Variants in COPS4 observed in about 807,000 individuals in gnomAD.
The protein encoded by COPS4 is COP9 signalosome complex subunit 4.
In COPS4, 8 loss-of-function variants were observed where a neutral mutation model predicts 55.1. That is an observed-to-expected ratio of 0.15 (90% CI 0.09 to 0.26). COPS4 has a LOEUF of 0.26. Ranked by LOEUF, COPS4 falls within the 10% of genes least tolerant of loss-of-function variation. The pLI, the probability that COPS4 is intolerant of heterozygous loss-of-function variation, is 1.00. For synonymous variants in COPS4, 185 were observed against 165.7 expected, an observed-to-expected ratio of 1.12 and a Z score of -0.90; for missense variants, 248 against 484.0, an observed-to-expected ratio of 0.51 and a Z score of 4.58.
intron 1 of COPS4, among the ~76,000 whole-genome samples, chr4:83,040,341 T>C (rs1239141230): frequency 6.6e-6 from 1 of 152,242 alleles, no homozygotes; most frequent in Non-Finnish European, 1.5e-5. Context: ...TGCGATTGTC[T>C]GTTGCTTTTG....
intron 6 of COPS4, among the ~76,000 whole-genome samples, chr4:83,057,880 C>A (rs1731054426): frequency 6.8e-6 from 1 of 147,708 alleles, no homozygotes; most frequent in Non-Finnish European, 1.5e-5. Flanking sequence ...CGAGATCAGG[C>A]CACTGCACTC....
chr4:83,045,804 A>G, intron 2 of COPS4, 99 bp downstream of exon 2: 1 of 657,854 alleles, frequency 1.5e-6, no homozygotes, highest in African/African-American at 1.8e-5. Context: ...AATATTAAAT[A>G]TGCATTGAGA....
chr4:83,073,874 T>C (rs1401862678), intron 9 of COPS4, among the ~76,000 whole-genome samples: 3 of 152,082 alleles, frequency 2.0e-5, no homozygotes, highest in African/African-American at 7.2e-5. Context: ...GGAGAATCCC[T>C]TGAACCTGGG....
intron 4 of COPS4, among the ~76,000 whole-genome samples, chr4:83,056,564 C>T (rs1004171412): frequency 6.6e-6 from 1 of 152,028 alleles, no homozygotes; most frequent in African/African-American, 2.4e-5. Flanking sequence ...TTTGGGAGGC[C>T]GAGGCGGGTG....
chr4:83,066,950 C>G (rs1731305844), intron 8 of COPS4, among the ~76,000 whole-genome samples: 2 of 152,138 alleles, frequency 1.3e-5, no homozygotes, highest in South Asian at 4.1e-4. Context: ...ATTCTCTTAA[C>G]TTTAAATAAA....
intron 2 of COPS4, among the ~76,000 whole-genome samples, chr4:83,047,487 G>A (rs547935744): frequency 7.9e-5 from 12 of 152,084 alleles, no homozygotes; most frequent in East Asian, 5.8e-4. Context: ...CCCGGTGGTC[G>A]AGACTGAAGT....
chr4:83,061,197 T>A (rs1731158034), intron 6 of COPS4, among the ~76,000 whole-genome samples: 1 of 152,142 alleles, frequency 6.6e-6, no homozygotes, highest in Non-Finnish European at 1.5e-5. Context: ...TTTCTGCATA[T>A]TTTCTGTTGG....
intron 8 of COPS4, among the ~76,000 whole-genome samples, chr4:83,068,144 C>G (rs1381957687): frequency 1.3e-5 from 2 of 151,798 alleles, no homozygotes; most frequent in Non-Finnish European, 2.9e-5. Context: ...AGGTATGGAT[C>G]CTAGTAAGAA....
intron 1 of COPS4, among the ~76,000 whole-genome samples, chr4:83,043,307 A>C (rs184296282): frequency 1.1e-4 from 16 of 152,098 alleles, no homozygotes; most frequent in Admixed American, 8.5e-4. Context: ...GCTTGAGTCC[A>C]GAAGTTGGAG....
intron 1 of COPS4, among the ~76,000 whole-genome samples, chr4:83,044,495 A>G (rs945191463): frequency 7.7e-6 from 1 of 129,502 alleles, no homozygotes; most frequent in Non-Finnish European, 1.7e-5. Flanking sequence ...AGATTAGTAT[A>G]GGCCGGGCAC....
At chr4:83,070,012 C>T (rs1731380233) in intron 9 of COPS4, among the ~76,000 whole-genome samples, 1 of 152,098 alleles carries the variant, frequency 6.6e-6, no homozygotes. Context: ...AATGAAAATC[C>T]TTTTATCTTC....
At chr4:83,072,074 G>C (rs1731445624) in intron 9 of COPS4, among the ~76,000 whole-genome samples, 1 of 151,600 alleles carries the variant, frequency 6.6e-6, no homozygotes, top group Non-Finnish European at 1.5e-5. Flanking sequence ...CATTCTGTCA[G>C]GTTTTCTTTT....
At chr4:83,035,802 C>T (rs907769844) in intron 1 of COPS4, 3 of 161,692 alleles carry the variant, frequency 1.9e-5, no homozygotes, top group African/African-American at 7.2e-5. Flanking sequence ...GTCGTCCAGA[C>T]CATTCAGACT....
chr4:83,059,522 A>C (rs1731104311), intron 6 of COPS4, among the ~76,000 whole-genome samples: 1 of 152,204 alleles, frequency 6.6e-6, no homozygotes, highest in Non-Finnish European at 1.5e-5. Flanking sequence ...AATTTATTTT[A>C]AAGTAGCAAT....
chr4:83,075,445 T>C lies in COPS4; in HGVS notation c.*15T>C. On this transcript the variant is annotated 3_prime_UTR_variant, in exon 10 of 10. Coordinates refer to ENST00000264389, the MANE Select transcript of COPS4 (RefSeq NM_016129.3). ...TGGCTCAGTGAATCCTTGCAGAACTTCTGTGCACATGACATCTTTTTCCAT... is the reference window on the plus strand; with the variant it reads ...TGGCTCAGTGAATCCTTGCAGAACTCCTGTGCACATGACATCTTTTTCCAT... 3.1e-6 allele frequency: 5 copies of C among 1,613,768 alleles called. No homozygotes were observed. The highest frequency in any genetic ancestry group is 4.2e-6 in the Non-Finnish European group (5 of 1,179,860).
intron 6 of COPS4, among the ~76,000 whole-genome samples, chr4:83,058,025 A>G (rs930262128): frequency 6.6e-6 from 1 of 151,736 alleles, no homozygotes; most frequent in Non-Finnish European, 1.5e-5. Context: ...GTGAAACAAA[A>G]ATTAAAATCT....
chr4:83,036,113 A>G (rs1392047171), intron 1 of COPS4: 1 of 152,204 alleles, frequency 6.6e-6, no homozygotes, highest in African/African-American at 2.4e-5. Context: ...TTCTGTTTAA[A>G]GTATGCCTCT....
Position 83,049,337 on chromosome 4 carries a change from G to T in COPS4, c.306+20G>T. ...GAGCAGGTAAAAATCTAGAGAAGTG[G>T]TTTTTTAACTTGAGATAGCAGCAGT... On this transcript the variant is annotated intron_variant, in intron 3 of 9. Coordinates refer to ENST00000264389, the MANE Select transcript of COPS4 (RefSeq NM_016129.3). 2 of 1,555,028 alleles carry T rather than the reference G, an allele frequency of 1.3e-6. No individual in the cohort carries two copies. The highest frequency in any genetic ancestry group is 1.4e-5 in the African/African-American group (1 of 71,454).
At chr4:83,059,719 C>T (rs1244364838) in intron 6 of COPS4, among the ~76,000 whole-genome samples, 1 of 149,850 alleles carries the variant, frequency 6.7e-6, no homozygotes. Context: ...GTTTTTGAAA[C>T]GGAGTCTCAC....
Sources: gnomAD v4.1 joint callset for allele counts (sites outside exome capture counted in the v4.1 genomes callset) on GRCh38, gnomAD v4.1.1 for gene constraint, MANE v1.5 for transcripts, NCBI Gene and HGNC (gene_info 2026-07-23, HGNC 2026-07-21) for gene names.